The following ABCA5 variants were observed in gnomAD, a reference collection of about 807,000 sequenced individuals.
ABCA5 encodes cholesterol transporter ABCA5.
ABCA5 carries 163 observed loss-of-function variants against 206.0 expected under a neutral mutation model. The ratio of observed to expected loss-of-function variants is 0.79; its 90% CI spans 0.70 to 0.90. The LOEUF is 0.90. Among genes scored for constraint, ABCA5 ranks in the 40% least tolerant of loss-of-function variants. The pLI, the probability that ABCA5 is intolerant of heterozygous loss-of-function variation, is 0.00. For missense variants in ABCA5, 1,859 were observed against 1,912.9 expected (o/e 0.97, Z 0.53); for synonymous variants, 609 against 613.8 (o/e 0.99, Z 0.11).
rs201346812 is a variant in ABCA5, at chr17:69,309,406, A to C, written c.325T>G (p.Tyr109Asp). The C allele has an allele frequency of 2.5e-6, 4 of 1,577,024 alleles. No individual in the cohort carries two copies. Among genetic ancestry groups the C allele is most frequent in the East Asian group, 4.6e-5 (2 of 43,900 alleles). The change falls in exon 4 of 39, where the codon TAT becomes GAT. Residue 109 changes from tyrosine to aspartate, a missense_variant. Physicochemically the swap from Tyr to Asp is radical, Grantham distance 160 (BLOSUM62 -3). Coordinates refer to ENST00000392676, the MANE Select transcript of ABCA5 (RefSeq NM_172232.4). Reference protein sequence around the residue: ...HLPDVIITEEYTNEKEMLTSS... With the variant: ...HLPDVIITEEDTNEKEMLTSS... ...GTTAACATTTCTTTTTCATTTGTATATTCTTCAGTAATTATGACTGTAAGA... is the reference window on the plus strand; with the variant it reads ...GTTAACATTTCTTTTTCATTTGTATCTTCTTCAGTAATTATGACTGTAAGA...
At chr17:69,268,791 C>T (rs528661877) in intron 22 of ABCA5, 1 of 152,326 alleles carries the variant, frequency 6.6e-6, no homozygotes, top group South Asian at 2.1e-4. Flanking sequence ...CGCACTGGCA[C>T]ACCCCTCCAT....
intron 34 of ABCA5, 148 bp from the exon 35 acceptor site, chr17:69,252,014 TG>T: frequency 1.3e-6 from 1 of 772,642 alleles, no homozygotes; most frequent in Non-Finnish European, 2.0e-6. Flanking sequence ...TGCCCAACTA[TG>T]ATTTTTTTTT....
intron 3 of ABCA5, among the ~76,000 whole-genome samples, chr17:69,312,456 T>C (rs2075779467): frequency 6.6e-6 from 1 of 152,196 alleles, no homozygotes; most frequent in South Asian, 2.1e-4. Context: ...ATAGTCATAG[T>C]TGTAGTCTCC....
At chr17:69,267,878 CAAAT>C in intron 23 of ABCA5, 61 bp downstream of exon 23, 1 of 842,002 alleles carries the variant, frequency 1.2e-6, no homozygotes, top group Non-Finnish European at 1.9e-6. Flanking sequence ...TGCAATCAAG[CAAAT>C]AGGTTATTTT....
chr17:69,295,957 C>G (rs546069976), intron 10 of ABCA5, among the ~76,000 whole-genome samples: 2 of 152,218 alleles, frequency 1.3e-5, no homozygotes, highest in African/African-American at 4.8e-5. Context: ...AAAGAAGGTA[C>G]AAGAGAAAAG....
intron 1 of ABCA5, chr17:69,315,470 T>C (rs1326301459): frequency 6.6e-6 from 1 of 152,218 alleles, no homozygotes; most frequent in African/African-American, 2.4e-5. Context: ...CAATCCAATA[T>C]TACACTGCAA....
chr17:69,298,221 A>AAGGAAGGTAGGTAGGT (rs2075604119), intron 9 of ABCA5, among the ~76,000 whole-genome samples: 1 of 69,024 alleles, frequency 1.4e-5, no homozygotes, highest in Non-Finnish European at 3.1e-5. Flanking sequence ...GGAAGGAAGG[A>AAGGAAGGTAGGTAGGT]AGGTAGGTAG....
chr17:69,291,641 C>T (rs1330370871), intron 11 of ABCA5, among the ~76,000 whole-genome samples: 1 of 151,850 alleles, frequency 6.6e-6, no homozygotes, highest in Non-Finnish European at 1.5e-5. Flanking sequence ...AAAATTTGTT[C>T]CCAAGGATAT....
chr17:69,259,694 A>T lies in ABCA5; in HGVS notation c.3731+12T>A. The T allele has an allele frequency of 6.4e-7, 1 of 1,556,256 alleles. No homozygotes were observed. The highest frequency in any genetic ancestry group is 8.8e-7 in the Non-Finnish European group (1 of 1,134,076). ...ACTAAAAACATTTAAAATTTTTAAA[A>T]AATCAACTGACCTGAAAAAGGGATC... On this transcript the variant is annotated intron_variant, in intron 28 of 38. Coordinates refer to ENST00000392676, the MANE Select transcript of ABCA5 (RefSeq NM_172232.4).
In ABCA5 at chr17:69,291,335, G is replaced by C. The variant is rs1346042917; in HGVS notation, c.1496-9C>G. On this transcript the variant is annotated splice_polypyrimidine_tract_variant and intron_variant, in intron 11 of 38. Transcript: ENST00000392676. ...TATGTCAAATGACAAATCTAGTTCA[G>C]GAAAAAAGAAGACTCAAATGTAATT... 6.5e-7 allele frequency: 1 copy of C among 1,542,418 alleles called. No individual in the cohort carries two copies. The highest frequency in any genetic ancestry group is 2.3e-5 in the East Asian group (1 of 44,174).
rs903485120 is a variant in ABCA5, at chr17:69,299,385, T to G, written c.1267+1754A>C. ...CCACACATGTTGATAACAGTATAAT[T>G]AATTCACAATTACAAAAATATGGAA... On this transcript the variant is annotated intron_variant, in intron 9 of 38. Transcript: ENST00000392676. Among the ~76,000 whole-genome samples the G allele has an allele frequency of 7.9e-5, 12 of 151,366 alleles. No individual in the cohort carries two copies. In the East Asian group the frequency reaches 2.3e-3, roughly 29 times the overall value.
At position 69,259,845 on chromosome 17, in the gene ABCA5, T is replaced by C. The variant is rs190371977; in HGVS notation, c.3640-48A>G. On this transcript the variant is annotated intron_variant, in intron 27 of 38. Transcript: ENST00000392676. The stretch of plus-strand genomic sequence containing the variant: ...CTCATGACTAAAAGATTTGTTGTTG[T>C]TGTTGTTGTTTTTTCCTTTGCCAAC... The C allele has an allele frequency of 7.3e-6, 9 of 1,240,614 alleles. No homozygotes were observed. The African/African-American group carries it at 9.2e-5, about 13-fold the overall frequency. The allele number at this position is 1,240,614 out of a possible 1,614,324, so 76.9% of individuals were successfully genotyped here.
chr17:69,278,299 T>TATC (rs1333167831), intron 18 of ABCA5, among the ~76,000 whole-genome samples: 1 of 152,186 alleles, frequency 6.6e-6, no homozygotes, highest in Non-Finnish European at 1.5e-5. Context: ...AAGATCTTAT[T>TATC]ATCTCTGTAT....
In ABCA5 at chr17:69,253,871, T is replaced by A; in HGVS notation, c.4245-2A>T. 6.2e-7 allele frequency: 1 copy of A among 1,607,622 alleles called. No individual in the cohort carries two copies. Among genetic ancestry groups the A allele is most frequent in the Non-Finnish European group, 8.5e-7 (1 of 1,176,482 alleles). Reference sequence around the variant, plus strand: ...TTTAAATCAAGTGCATGTGTTATTCTGCAAAATGAACAATACAAAATGAGA... The same window carrying A: ...TTTAAATCAAGTGCATGTGTTATTCAGCAAAATGAACAATACAAAATGAGA... On this transcript the variant is annotated splice_acceptor_variant, in intron 32 of 38. Coordinates refer to ENST00000392676, the MANE Select transcript of ABCA5 (RefSeq NM_172232.4). LOFTEE classifies it high-confidence loss of function.
intron 20 of ABCA5, 53 bp downstream of exon 20, chr17:69,273,905 CT>C: frequency 6.6e-7 from 1 of 1,517,060 alleles, no homozygotes; most frequent in Non-Finnish European, 8.9e-7. Flanking sequence ...TTATCCACCC[CT>C]CAACCCCATG....
At chr17:69,297,738 A>G (rs1281962137) in intron 9 of ABCA5, among the ~76,000 whole-genome samples, 1 of 152,202 alleles carries the variant, frequency 6.6e-6, no homozygotes, top group Non-Finnish European at 1.5e-5. Flanking sequence ...AGAACACAAC[A>G]CAGGCTGAAT....
rs539624452 is a variant in ABCA5, at chr17:69,264,008, C to T, written c.3315+727G>A. Among the ~76,000 whole-genome samples the T allele has an allele frequency of 2.0e-5, 3 of 152,116 alleles. No homozygotes were observed. The South Asian group carries it at 6.2e-4, about 32-fold the overall frequency. ...CCCGCGCCCAGCTTATGTAGGATTC[C>T]TTTAGCCATCTGGGTACTTTTGGGG... On this transcript the variant is annotated intron_variant, in intron 24 of 38. Transcript: ENST00000392676.
intron 9 of ABCA5, among the ~76,000 whole-genome samples, chr17:69,299,114 A>G (rs1358364966): frequency 6.6e-6 from 1 of 152,208 alleles, no homozygotes; most frequent in East Asian, 1.9e-4. Flanking sequence ...CCACAATGTG[A>G]TACCACCTTA....
intron 23 of ABCA5, among the ~76,000 whole-genome samples, 173 bp from the exon 24 acceptor site, chr17:69,265,078 C>G (rs1307351867): frequency 6.6e-6 from 1 of 152,022 alleles, no homozygotes; most frequent in Non-Finnish European, 1.5e-5. Context: ...TTCCATTTAG[C>G]CTTTAATTTG....
Sources: gnomAD v4.1 joint callset for allele counts (sites outside exome capture counted in the v4.1 genomes callset) on GRCh38, gnomAD v4.1.1 for gene constraint, MANE v1.5 for transcripts, NCBI Gene and HGNC (gene_info 2026-07-23, HGNC 2026-07-21) for gene names.